Variants in OR11A1 observed in about 807,000 individuals in gnomAD.
OR11A1 encodes olfactory receptor family 11 subfamily A member 1.
For synonymous variants in OR11A1, 158 were observed against 152.2 expected, an observed-to-expected ratio of 1.04 and a Z score of -0.28; for missense variants, 380 against 378.2, an observed-to-expected ratio of 1.00 and a Z score of -0.04.
rs754600245 is a variant in OR11A1 at position 29,427,559 on chromosome 6, A to C, written c.83T>G (p.Leu28Trp). 31 of 1,612,994 alleles carry C rather than the reference A, an allele frequency of 1.9e-5. No homozygotes were observed. The highest frequency in any genetic ancestry group is 3.4e-6 in the Non-Finnish European group (4 of 1,180,052). ...GFYDIPELHF[L>W]FFIVFTAVYV... ...GACAGCAGTGAATACAATAAAAAACAAGAAATGCAGTTCAGGGATGTCATA... is the reference window on the plus strand; with the variant it reads ...GACAGCAGTGAATACAATAAAAAACCAGAAATGCAGTTCAGGGATGTCATA... Residue 28 changes from leucine to tryptophan, a missense_variant, in exon 5 of 5, where the codon TTG becomes TGG. Leu to Trp is a moderately conservative substitution (Grantham distance 61). Transcript: ENST00000377149.
In OR11A1 at chr6:29,426,584, A is replaced by G. The variant is rs1782819777; in HGVS notation, c.*110T>C. The G allele has an allele frequency of 1.3e-6, 1 of 746,882 alleles. No homozygotes were observed. The highest frequency in any genetic ancestry group is 2.9e-5 in the Admixed American group (1 of 34,960). The allele number at this position is 746,882 out of a possible 1,614,324, so 46.3% of individuals were successfully genotyped here. On this transcript the variant is annotated 3_prime_UTR_variant, in exon 5 of 5. Transcript: ENST00000377149. ...TTCATTTTTAGTATAACTGCAGAAG[A>G]GTTCAAAGAGAATGGTCGAATAAGA...
intron 1 of OR11A1, among the ~76,000 whole-genome samples, chr6:29,449,717 A>G (rs554273061): frequency 6.6e-6 from 1 of 151,866 alleles, no homozygotes; most frequent in Non-Finnish European, 1.5e-5. Flanking sequence ...GCTCAATGCA[A>G]CCTCCACCTC....
intron 4 of OR11A1, among the ~76,000 whole-genome samples, 199 bp downstream of exon 4, chr6:29,428,714 G>A (rs1321726548): frequency 1.6e-5 from 2 of 124,088 alleles, no homozygotes; most frequent in East Asian, 5.4e-4. Flanking sequence ...CCGATATCGC[G>A]CCACTGCACC....
intron 1 of OR11A1, chr6:29,440,966 T>C (rs1031427230): frequency 1.9e-6 from 3 of 1,549,064 alleles, no homozygotes; most frequent in Non-Finnish European, 2.7e-6. Context: ...AAGGGGGCGA[T>C]AGTGACTTCT....
intron 1 of OR11A1, among the ~76,000 whole-genome samples, chr6:29,432,412 C>T (rs1324442481): frequency 6.6e-6 from 1 of 152,094 alleles, no homozygotes; most frequent in African/African-American, 2.4e-5. Context: ...ATTCTGATTT[C>T]TCTGCAACAT....
At chr6:29,431,232 T>A (rs560499680) in intron 2 of OR11A1, among the ~76,000 whole-genome samples, 2 of 152,284 alleles carry the variant, frequency 1.3e-5, no homozygotes, top group Non-Finnish European at 2.9e-5. Context: ...TTTTAATTCA[T>A]CTTTAGGTAT....
intron 1 of OR11A1, among the ~76,000 whole-genome samples, chr6:29,438,808 A>G (rs1783856013): frequency 6.6e-6 from 1 of 152,196 alleles, no homozygotes; most frequent in African/African-American, 2.4e-5. Context: ...CTCAAGAGGG[A>G]TCCACTATGT....
At chr6:29,428,015 T>C (rs979362988) in intron 4 of OR11A1, among the ~76,000 whole-genome samples, 1 of 152,206 alleles carries the variant, frequency 6.6e-6, no homozygotes, top group African/African-American at 2.4e-5. Flanking sequence ...CTCCTTCTTG[T>C]GCACCAGTAT....
At chr6:29,430,901 A>G (rs2151365642) in intron 2 of OR11A1, among the ~76,000 whole-genome samples, 1 of 152,330 alleles carries the variant, frequency 6.6e-6, no homozygotes, top group Admixed American at 6.5e-5. Context: ...GAGGGGAATC[A>G]GGGAATAGAG....
At chr6:29,432,031 C>A (rs975528713) in intron 1 of OR11A1, 44 bp from the exon 2 acceptor site, 1 of 984,636 alleles carries the variant, frequency 1.0e-6, no homozygotes, top group Non-Finnish European at 1.2e-6. Context: ...ACCCTTGTTA[C>A]CCTCCACTCC....
At position 29,439,829 on chromosome 6, in the gene OR11A1, G is replaced by A. The variant is rs1421008261; in HGVS notation, c.-388-7842C>T. Reference sequence around the variant, plus strand: ...TACTCATCCAGGATCCCAAGAGTGAGCAAGGGTGGAATATGGACTCCAGGC... The same window carrying A: ...TACTCATCCAGGATCCCAAGAGTGAACAAGGGTGGAATATGGACTCCAGGC... On this transcript the variant is annotated intron_variant, in intron 1 of 4. Coordinates refer to ENST00000377149, the MANE Select transcript of OR11A1 (RefSeq NM_001394828.1). The A allele has an allele frequency of 1.0e-5, 6 of 600,772 alleles. No individual in the cohort carries two copies. The Admixed American group carries it at 1.8e-4, about 18-fold the overall frequency. The allele number at this position is 600,772 out of a possible 1,614,324, so 37.2% of individuals were successfully genotyped here.
intron 1 of OR11A1, chr6:29,440,574 G>A: frequency 6.2e-7 from 1 of 1,613,892 alleles, no homozygotes; most frequent in Non-Finnish European, 8.5e-7. Flanking sequence ...CCTGCAGCTG[G>A]TATGTGGAGA....
At chr6:29,439,168 G>A (rs1783886336) in intron 1 of OR11A1, 1 of 152,148 alleles carries the variant, frequency 6.6e-6, no homozygotes, top group Admixed American at 6.5e-5. Context: ...CTGGCATCTG[G>A]GAATATTAGG....
rs769101541 is a variant in OR11A1 at position 29,427,363 on chromosome 6, G to A, written c.279C>T (p.Ile93=). 1 of 1,613,130 alleles carries A rather than the reference G, an allele frequency of 6.2e-7. No homozygotes were observed. The highest frequency in any genetic ancestry group is 8.5e-7 in the Non-Finnish European group (1 of 1,180,040). The change falls in exon 5 of 5, where the codon ATC becomes ATT. Residue 93 remains isoleucine, a synonymous_variant. Coordinates refer to ENST00000377149, the MANE Select transcript of OR11A1 (RefSeq NM_001394828.1). ...MLEGFLQEAT[I]SVAGCLLQFF... is the part of the protein sequence containing the mutation. ...ACTGGAGCAAGCAACCAGCCACAGA[G>A]ATAGTTGCTTCTTGCAGGAAGCCCT...
chr6:29,434,091 A>G (rs1404162066), intron 1 of OR11A1, among the ~76,000 whole-genome samples: 2 of 152,114 alleles, frequency 1.3e-5, no homozygotes, highest in Non-Finnish European at 2.9e-5. Flanking sequence ...TGTATCATTT[A>G]CAAATATTTT....
chr6:29,439,907 T>G (rs1582567580), intron 1 of OR11A1: 4 of 780,186 alleles, frequency 5.1e-6, no homozygotes, highest in African/African-American at 3.5e-5. Flanking sequence ...GGAGATCTAG[T>G]GCTGCGATCA....
chr6:29,443,916 T>C (rs1008842244), intron 1 of OR11A1, among the ~76,000 whole-genome samples: 15 of 151,940 alleles, frequency 9.9e-5, no homozygotes, highest in Non-Finnish European at 1.8e-4. Flanking sequence ...TGTACATTTA[T>C]GTAACCCAGC....
chr6:29,431,773 T>C (rs1396041782), intron 2 of OR11A1, 91 bp downstream of exon 2: 2 of 703,542 alleles, frequency 2.8e-6, no homozygotes, highest in Non-Finnish European at 3.5e-6. Flanking sequence ...TGCTAGTGAT[T>C]ACAGGATAAA....
At chr6:29,445,881 G>A (rs1784716274) in intron 1 of OR11A1, among the ~76,000 whole-genome samples, 1 of 152,184 alleles carries the variant, frequency 6.6e-6, no homozygotes, top group Non-Finnish European at 1.5e-5. Context: ...GACTAGGAAA[G>A]AGTTGGAAGA....
Sources: gnomAD v4.1 joint callset for allele counts (sites outside exome capture counted in the v4.1 genomes callset) on GRCh38, gnomAD v4.1.1 for gene constraint, MANE v1.5 for transcripts, NCBI Gene and HGNC (gene_info 2026-07-23, HGNC 2026-07-21) for gene names.